The following CNTNAP5 variants were observed in gnomAD, a reference collection of about 807,000 sequenced individuals.
The protein encoded by CNTNAP5 is contactin-associated protein-like 5.
Under a neutral mutation model 150.2 loss-of-function variants are expected in CNTNAP5, and 72 were observed. That is an observed-to-expected ratio of 0.48 (90% CI 0.40 to 0.58). The LOEUF (loss-of-function observed/expected upper bound fraction) is 0.58, where lower values mean the gene tolerates loss of function less well. Ranked by LOEUF, CNTNAP5 falls within the 20% of genes least tolerant of loss-of-function variation. CNTNAP5 has a pLI of 0.00. For synonymous variants in CNTNAP5, 672 were observed against 619.8 expected (o/e 1.08, Z -1.25); for missense variants, 1,636 against 1,626.2 (o/e 1.01, Z -0.10).
At chr2:124,218,380 T>C (rs1311080533) in intron 1 of CNTNAP5, among the ~76,000 whole-genome samples, 1 of 152,122 alleles carries the variant, frequency 6.6e-6, no homozygotes, top group Admixed American at 6.6e-5. Flanking sequence ...GAGACAGAAG[T>C]GACAGAGGAA....
At chr2:124,037,125 C>A (rs1213722826) in intron 1 of CNTNAP5, among the ~76,000 whole-genome samples, 2 of 152,158 alleles carry the variant, frequency 1.3e-5, no homozygotes, top group Non-Finnish European at 2.9e-5. Context: ...CTATGTCAAC[C>A]AGTTCCTGTA....
chr2:124,465,731 T>C (rs1425807160), intron 6 of CNTNAP5, among the ~76,000 whole-genome samples: 2 of 152,182 alleles, frequency 1.3e-5, no homozygotes, highest in Non-Finnish European at 2.9e-5. Flanking sequence ...GTGAAATATC[T>C]CAATGCAAAA....
intron 1 of CNTNAP5, among the ~76,000 whole-genome samples, chr2:124,203,467 T>C (rs1167447940): frequency 6.6e-6 from 1 of 152,210 alleles, no homozygotes; most frequent in African/African-American, 2.4e-5. Context: ...CACTAGGAAG[T>C]GCCCCAGTGG....
intron 3 of CNTNAP5, among the ~76,000 whole-genome samples, chr2:124,366,672 A>G (rs1214653373): frequency 6.6e-6 from 1 of 152,154 alleles, no homozygotes; most frequent in Non-Finnish European, 1.5e-5. Context: ...CCACAGCAAC[A>G]TATTTCCAAC....
At chr2:124,059,665 G>A (rs1681951766) in intron 1 of CNTNAP5, among the ~76,000 whole-genome samples, 1 of 151,802 alleles carries the variant, frequency 6.6e-6, no homozygotes, top group African/African-American at 2.4e-5. Flanking sequence ...GTTTTTCATA[G>A]GGCTGTTAAG....
intron 3 of CNTNAP5, among the ~76,000 whole-genome samples, chr2:124,329,549 A>T (rs1689298221): frequency 6.6e-6 from 1 of 152,124 alleles, no homozygotes. Context: ...ACCTTGGTAT[A>T]TTGTGCTCTG....
At chr2:124,849,173 A>C (rs1231838691) in intron 19 of CNTNAP5, among the ~76,000 whole-genome samples, 1 of 152,132 alleles carries the variant, frequency 6.6e-6, no homozygotes, top group African/African-American at 2.4e-5. Context: ...TGTGGATCCA[A>C]CTTAATACAT....
At chr2:124,277,933 G>A (rs915556424) in intron 3 of CNTNAP5, among the ~76,000 whole-genome samples, 6 of 152,220 alleles carry the variant, frequency 3.9e-5, no homozygotes, top group Admixed American at 3.9e-4. Flanking sequence ...AACTGCCCTT[G>A]TTACCTTCCC....
intron 1 of CNTNAP5, among the ~76,000 whole-genome samples, chr2:124,085,110 C>T (rs1417068529): frequency 6.6e-6 from 1 of 150,748 alleles, no homozygotes; most frequent in African/African-American, 2.4e-5. Flanking sequence ...TTAGTAGAGA[C>T]GGGGTTTCAC....
chr2:124,449,028 C>T lies in CNTNAP5; in HGVS notation c.918+2091C>T, dbSNP rs1456543314. ...ATCACTAGTGGGATAGATAATAGAA[C>T]AGTGGAGATGGAGATGAATAATTGA... On this transcript the variant is annotated intron_variant, in intron 6 of 23. Transcript: ENST00000682447. Among the ~76,000 whole-genome samples the T allele has an allele frequency of 5.9e-5, 9 of 152,156 alleles. No homozygotes were observed. The East Asian group carries it at 1.7e-3, about 29-fold the overall frequency.
At chr2:124,604,257 GT>G (rs1697052902) in intron 11 of CNTNAP5, among the ~76,000 whole-genome samples, 1 of 151,956 alleles carries the variant, frequency 6.6e-6, no homozygotes, top group Non-Finnish European at 1.5e-5. Flanking sequence ...AAGTAATTTA[GT>G]TTCTGTTGAT....
At chr2:124,374,366 T>C (rs1413580960) in intron 3 of CNTNAP5, among the ~76,000 whole-genome samples, 1 of 152,062 alleles carries the variant, frequency 6.6e-6, no homozygotes, top group Non-Finnish European at 1.5e-5. Flanking sequence ...AATAGGAAAA[T>C]GAACTCCCAA....
intron 19 of CNTNAP5, among the ~76,000 whole-genome samples, chr2:124,826,138 T>G (rs1020060511): frequency 1.3e-5 from 2 of 150,618 alleles, no homozygotes; most frequent in Non-Finnish European, 2.9e-5. Context: ...GAGATCTTAC[T>G]GAGTTATTAC....
chr2:124,726,521 CT>C (rs1355740741), intron 13 of CNTNAP5, among the ~76,000 whole-genome samples: 1 of 152,064 alleles, frequency 6.6e-6, no homozygotes, highest in African/African-American at 2.4e-5. Flanking sequence ...TCAATTAAAT[CT>C]TTCTTTATAA....
At chr2:124,094,706 G>C (rs1009573580) in intron 1 of CNTNAP5, among the ~76,000 whole-genome samples, 4 of 152,094 alleles carry the variant, frequency 2.6e-5, no homozygotes, top group Admixed American at 2.6e-4. Flanking sequence ...AATTGCTAAA[G>C]GCACAACAGC....
chr2:124,129,556 AG>A (rs1412566811), intron 1 of CNTNAP5, among the ~76,000 whole-genome samples: 1 of 152,212 alleles, frequency 6.6e-6, no homozygotes, highest in Non-Finnish European at 1.5e-5. Flanking sequence ...GGCAAGGAAG[AG>A]GGGTGAGTGT....
intron 19 of CNTNAP5, among the ~76,000 whole-genome samples, chr2:124,860,104 C>A (rs913591641): frequency 6.6e-6 from 1 of 151,888 alleles, no homozygotes; most frequent in Non-Finnish European, 1.5e-5. Flanking sequence ...GTAATCCCAG[C>A]ACCTTGGGAG....
chr2:124,104,438 A>G (rs1390535862), intron 1 of CNTNAP5, among the ~76,000 whole-genome samples: 1 of 152,216 alleles, frequency 6.6e-6, no homozygotes, highest in African/African-American at 2.4e-5. Context: ...TTAGATAGAT[A>G]GAGCAGTGAT....
intron 3 of CNTNAP5, among the ~76,000 whole-genome samples, chr2:124,336,453 C>A (rs533340854): frequency 6.6e-5 from 10 of 151,902 alleles, no homozygotes; most frequent in African/African-American, 1.7e-4. Context: ...ATACATGTGC[C>A]ATGTTGGTGT....
Sources: gnomAD v4.1 joint callset for allele counts (sites outside exome capture counted in the v4.1 genomes callset) on GRCh38, gnomAD v4.1.1 for gene constraint, MANE v1.5 for transcripts, NCBI Gene and HGNC (gene_info 2026-07-23, HGNC 2026-07-21) for gene names.